The following MPDZ variants were observed in gnomAD, a reference collection of about 807,000 sequenced individuals.
The protein encoded by MPDZ is multiple PDZ domain protein.
A neutral mutation model predicts 239.1 loss-of-function variants in MPDZ; 234 were observed. That is an observed-to-expected ratio of 0.98 (90% CI 0.88 to 1.09). The LOEUF (loss-of-function observed/expected upper bound fraction) is 1.09, where lower values mean the gene tolerates loss of function less well. Among genes scored for constraint, MPDZ ranks in the 50% least tolerant of loss-of-function variants. The pLI, the probability that MPDZ is intolerant of heterozygous loss-of-function variation, is 0.00. For synonymous variants in MPDZ, 1,048 were observed against 881.3 expected (o/e 1.19, Z -3.35); for missense variants, 3,175 against 2,510.0 (o/e 1.26, Z -5.66).
Position 13,254,397 on chromosome 9 carries a change from C to G in MPDZ, c.-57-4025G>C, listed in dbSNP as rs141630885. 2.7e-3 allele frequency among the ~76,000 whole-genome samples: 415 copies of G among 152,258 alleles called. 2 individuals carry two copies. The highest frequency in any genetic ancestry group is 0.014 in the Middle Eastern group (4 of 294). ...TTTAAATAGTTATTCAAAGTACATTCAAAAACATTGCTTTTACATTTCAAG... is the reference window on the plus strand; with the variant it reads ...TTTAAATAGTTATTCAAAGTACATTGAAAAACATTGCTTTTACATTTCAAG... On this transcript the variant is annotated intron_variant, in intron 1 of 46. Transcript: ENST00000319217.
intron 1 of MPDZ, among the ~76,000 whole-genome samples, chr9:13,255,979 G>A (rs1306054714): frequency 6.6e-6 from 1 of 152,136 alleles, no homozygotes; most frequent in Non-Finnish European, 1.5e-5. Flanking sequence ...ATATAATGCT[G>A]TTTTATCTAC....
At chr9:13,131,655 G>A (rs527882315) in intron 32 of MPDZ, among the ~76,000 whole-genome samples, 1 of 152,126 alleles carries the variant, frequency 6.6e-6, no homozygotes, top group African/African-American at 2.4e-5. Flanking sequence ...ATTCTGAGAC[G>A]TGACCAGCTA....
rs1442926007 is a variant in MPDZ at position 13,136,185 on chromosome 9, A to C, written c.4293-3T>G. On this transcript the variant is annotated splice_region_variant and splice_polypyrimidine_tract_variant and intron_variant, in intron 30 of 46. Transcript: ENST00000319217. ...TCTGATTCACTGCATCTTTATTTCTAAAAGCAAAAAAACAACAACCTATTA... is the reference window on the plus strand; with the variant it reads ...TCTGATTCACTGCATCTTTATTTCTCAAAGCAAAAAAACAACAACCTATTA... 3 of 1,601,444 alleles carry C rather than the reference A, an allele frequency of 1.9e-6. No homozygotes were observed. The highest frequency in any genetic ancestry group is 2.6e-6 in the Non-Finnish European group (3 of 1,170,360).
intron 2 of MPDZ, among the ~76,000 whole-genome samples, chr9:13,248,976 CAAAAAAAAAAAAAAAAAAAAA>C (rs71331534): frequency 5.6e-5 from 2 of 35,820 alleles, no homozygotes; most frequent in South Asian, 2.4e-3. Flanking sequence ...GACTCCATCT[CAAAAAAAAAAAAAAAAAAAAA>C]AAAAAAAAAA....
At chr9:13,267,243 G>A (rs887688181) in intron 1 of MPDZ, among the ~76,000 whole-genome samples, 7 of 152,168 alleles carry the variant, frequency 4.6e-5, no homozygotes, top group Admixed American at 6.6e-5. Flanking sequence ...TGAAATTGGC[G>A]TCAGTTTTAC....
At chr9:13,204,652 G>C (rs1587770211) in intron 12 of MPDZ, among the ~76,000 whole-genome samples, 3 of 152,002 alleles carry the variant, frequency 2.0e-5, no homozygotes, top group African/African-American at 7.2e-5. Flanking sequence ...ATTCTCCTGT[G>C]TTTATTTTTA....
Position 13,250,310 on chromosome 9 carries a change from C to T in MPDZ, c.6G>A (p.Leu2=), listed in dbSNP as rs776072582. The part of the protein sequence containing the change: M[L]EAIDKNRALH... ...AAGAATAAGTCTTACCAATGGCTTC[C>T]AACATTTTTTTCAAAGTTCAGTGTT... The change falls in exon 2 of 47, where the codon TTG becomes TTA. Residue 2 remains leucine (L), a synonymous_variant. Transcript: ENST00000319217. 12 of 1,593,346 alleles carry T rather than the reference C, an allele frequency of 7.5e-6. No homozygotes were observed. In the East Asian group the frequency reaches 1.4e-4, roughly 18 times the overall value.
At chr9:13,257,502 A>T (rs1969716496) in intron 1 of MPDZ, among the ~76,000 whole-genome samples, 1 of 152,186 alleles carries the variant, frequency 6.6e-6, no homozygotes, top group Non-Finnish European at 1.5e-5. Context: ...TATATTGTCA[A>T]ATTTATAAAA....
rs1973360657 is a variant in MPDZ, at chr9:13,273,016, T to C, written c.-58+6384A>G. Among the ~76,000 whole-genome samples the C allele has an allele frequency of 2.0e-5, 3 of 152,080 alleles. No homozygotes were observed. In the South Asian group the frequency reaches 6.2e-4, roughly 32 times the overall value. ...ATCACAAGGGCAGAGTTCTAATGAA[T>C]GGGATTAGTGCCCTTATAAAATAGG... is the stretch of plus-strand genomic sequence containing the variant. On this transcript the variant is annotated intron_variant, in intron 1 of 46. Transcript: ENST00000319217.
chr9:13,214,129 C>T (rs1228069173), intron 10 of MPDZ, among the ~76,000 whole-genome samples: 1 of 151,976 alleles, frequency 6.6e-6, no homozygotes, highest in Non-Finnish European at 1.5e-5. Flanking sequence ...TGAATGTTCA[C>T]AGCAGCATTA....
chr9:13,259,069 G>T (rs896149084), intron 1 of MPDZ, among the ~76,000 whole-genome samples: 13 of 151,450 alleles, frequency 8.6e-5, no homozygotes, highest in Non-Finnish European at 1.3e-4. Context: ...ACTTAATTTG[G>T]ACATCTGTTA....
At chr9:13,139,883 C>T (rs767363308) in intron 28 of MPDZ, 104 bp downstream of exon 28, 3 of 1,340,140 alleles carry the variant, frequency 2.2e-6, no homozygotes, top group East Asian at 4.6e-5. Flanking sequence ...CAGTATATAT[C>T]ACAAAGCTGC....
intron 39 of MPDZ, among the ~76,000 whole-genome samples, chr9:13,117,394 G>A (rs536387622): frequency 1.3e-5 from 2 of 152,128 alleles, no homozygotes; most frequent in African/African-American, 4.8e-5. Context: ...AGCTGGGCGT[G>A]GTGGCAGGCG....
chr9:13,208,122 A>G (rs1957192446), intron 10 of MPDZ, among the ~76,000 whole-genome samples: 1 of 152,180 alleles, frequency 6.6e-6, no homozygotes. Flanking sequence ...GATGTTTACT[A>G]ACTTAGTAAA....
chr9:13,192,404 T>A, intron 14 of MPDZ, 109 bp from the exon 15 acceptor site: 6 of 944,180 alleles, frequency 6.4e-6, no homozygotes, highest in Non-Finnish European at 9.5e-6. Context: ...TTACCACAGT[T>A]TACTGTGCTC....
intron 32 of MPDZ, 148 bp downstream of exon 32, chr9:13,133,676 G>C (rs536802749): frequency 2.0e-6 from 1 of 507,774 alleles, no homozygotes; most frequent in Admixed American, 3.2e-5. Context: ...AGATAAGTTT[G>C]AGTGGGCCCA....
intron 22 of MPDZ, among the ~76,000 whole-genome samples, chr9:13,166,518 G>A (rs769383534): frequency 3.9e-5 from 6 of 152,086 alleles, no homozygotes; most frequent in Admixed American, 6.6e-5. Flanking sequence ...AGAAATCAAC[G>A]TGTTTTGAAT....
At chr9:13,269,634 T>A (rs1036319372) in intron 1 of MPDZ, among the ~76,000 whole-genome samples, 2 of 151,978 alleles carry the variant, frequency 1.3e-5, no homozygotes, top group African/African-American at 2.4e-5. Context: ...AAGAAAAAAA[T>A]AAAATCTGTT....
At chr9:13,181,105 G>A (rs1030730100) in intron 19 of MPDZ, among the ~76,000 whole-genome samples, 1 of 152,140 alleles carries the variant, frequency 6.6e-6, no homozygotes, top group Non-Finnish European at 1.5e-5. Flanking sequence ...ATACCCTGTT[G>A]CCATTTAAGG....
Sources: allele counts gnomAD v4.1 joint callset (sites outside exome capture counted in the v4.1 genomes callset), GRCh38; gene constraint gnomAD v4.1.1; transcripts MANE v1.5; gene names NCBI Gene and HGNC (gene_info 2026-07-23, HGNC 2026-07-21).